The following IRF9 variants were observed in gnomAD, a reference collection of about 807,000 sequenced individuals.
IRF9 encodes interferon regulatory factor 9.
A neutral mutation model predicts 44.1 loss-of-function variants in IRF9; 13 were observed. The observed-to-expected ratio is 0.29, with a 90% confidence interval of 0.19 to 0.47. The LOEUF (loss-of-function observed/expected upper bound fraction) is 0.47, where lower values mean the gene tolerates loss of function less well. Ranked by LOEUF, IRF9 falls within the 20% of genes least tolerant of loss-of-function variation. IRF9 has a pLI of 1.00. For synonymous variants in IRF9, 189 were observed against 188.5 expected (o/e 1.00, Z -0.02); for missense variants, 373 against 496.1 (o/e 0.75, Z 2.36).
Position 24,166,311 on chromosome 14 carries a change from C to A in IRF9, c.*115C>A. 3 of 898,852 alleles carry A rather than the reference C, an allele frequency of 3.3e-6. No homozygotes were observed. The highest frequency in any genetic ancestry group is 5.3e-6 in the Non-Finnish European group (3 of 563,428). The allele number at this position is 898,852 out of a possible 1,614,324, so 55.7% of individuals were successfully genotyped here. ...TTTGTGATAATTCTCAGTAGTTGTC[C>A]GTGATAATCGTGTCCTGAAAATCCT... On this transcript the variant is annotated 3_prime_UTR_variant, in exon 9 of 9. Transcript: ENST00000396864.
At chr14:24,165,820 T>C in intron 7 of IRF9, 27 bp from the exon 8 acceptor site, 1 of 1,549,754 alleles carries the variant, frequency 6.5e-7, no homozygotes, top group Non-Finnish European at 8.9e-7. Flanking sequence ...TTTTTGTTCT[T>C]CGAACCCTTG....
intron 7 of IRF9, 161 bp downstream of exon 7, chr14:24,165,116 C>T (rs2038507579): frequency 1.3e-6 from 1 of 759,130 alleles, no homozygotes; most frequent in Admixed American, 2.0e-5. Flanking sequence ...TCCTGTGTGG[C>T]CATATGCCCA....
Position 24,163,169 on chromosome 14 carries a change from A to G in IRF9, c.364+20A>G, listed in dbSNP as rs1246199337. The G allele has an allele frequency of 4.3e-6, 7 of 1,612,164 alleles. No individual in the cohort carries two copies. Among genetic ancestry groups the G allele is most frequent in the African/African-American group, 2.7e-5 (2 of 74,902 alleles). On this transcript the variant is annotated intron_variant, in intron 3 of 8. Coordinates refer to ENST00000396864, the MANE Select transcript of IRF9 (RefSeq NM_006084.5). Reference sequence around the variant, plus strand: ...TCTCTGGTGAGTTTCCCCTTGTCCAACCACTGCTAGACTCAGCAGACTGGG... The same window carrying G: ...TCTCTGGTGAGTTTCCCCTTGTCCAGCCACTGCTAGACTCAGCAGACTGGG...
chr14:24,165,665 A>G (rs2139106829), intron 7 of IRF9, 182 bp from the exon 8 acceptor site: 1 of 590,342 alleles, frequency 1.7e-6, no homozygotes, highest in Admixed American at 3.1e-5. Flanking sequence ...AGGCAGGGGC[A>G]CCCTTTCCTA....
chr14:24,164,138 C>G lies in IRF9; in HGVS notation c.649+4C>G. The stretch of plus-strand genomic sequence containing the variant: ...TTTCTGCTTCCTCCAGAGCCAGGTA[C>G]GTGGCATTTCTGACTTTCTCCTGTG... On this transcript the variant is annotated splice_donor_region_variant and intron_variant, in intron 6 of 8. Coordinates refer to ENST00000396864, the MANE Select transcript of IRF9 (RefSeq NM_006084.5). This position sits in a 1 kb window ranked among gnomAD's most constrained non-coding sequence, Gnocchi z 5.2. 3 of 1,613,576 alleles carry G rather than the reference C, an allele frequency of 1.9e-6. No homozygotes were observed. The highest frequency in any genetic ancestry group is 1.7e-6 in the Non-Finnish European group (2 of 1,179,512).
Position 24,164,596 on chromosome 14 carries a change from G to C in IRF9, c.650-18G>C. On this transcript the variant is annotated intron_variant, in intron 6 of 8. Transcript: ENST00000396864. This position sits in a 1 kb window ranked among gnomAD's most constrained non-coding sequence, Gnocchi z 5.2. ...CTGCATGCTCCTCCAGCACCAGGTA[G>C]GGCTGTTCTATCCCCAGACTACTCA... 2 of 1,567,758 alleles carry C rather than the reference G, an allele frequency of 1.3e-6. No homozygotes were observed. Among genetic ancestry groups the C allele is most frequent in the Non-Finnish European group, 1.7e-6 (2 of 1,150,392 alleles).
chr14:24,162,421 G>C, intron 2 of IRF9, 97 bp downstream of exon 2: 1 of 1,209,776 alleles, frequency 8.3e-7, no homozygotes, highest in Non-Finnish European at 1.2e-6. Flanking sequence ...CTGGGTTTCA[G>C]ATAAGGGACA....
At position 24,161,304 on chromosome 14, in the gene IRF9, G is replaced by T. The variant is rs1014974732; in HGVS notation, c.-36G>T. On this transcript the variant is annotated 5_prime_UTR_variant, in exon 1 of 9. Transcript: ENST00000396864. ...CCCAGCCAGGAGTTAAGCTGAGGTC[G>T]TCTGAGCCCTGCGACAGCCTGGACA... 1 of 152,364 alleles carries T rather than the reference G, an allele frequency of 6.6e-6. No homozygotes were observed. The highest frequency in any genetic ancestry group is 2.4e-5 in the African/African-American group (1 of 41,464). The allele number at this position is 152,364 out of a possible 1,614,324, so 9.4% of individuals were successfully genotyped here. A position where few individuals can be genotyped will look rare whatever the true frequency, so the allele number is the denominator to read the frequency against.
rs747304104 is a variant in IRF9 at position 24,162,291 on chromosome 14, C to T, written c.147C>T (p.Asp49=). 8.7e-6 allele frequency: 14 copies of T among 1,614,074 alleles called. No individual in the cohort carries two copies. Among genetic ancestry groups the T allele is most frequent in the Non-Finnish European group, 1.1e-5 (13 of 1,179,982 alleles). Residue 49 remains aspartate (D), a synonymous_variant, in exon 2 of 9, where the codon GAC becomes GAT. Transcript: ENST00000396864. The part of the protein sequence containing the change: ...RIPWKHAGKQ[D]FREDQDAAFF... ...CCTGGAAACATGCAGGCAAGCAGGA[C>T]TTCCGGGAGGACCAGGATGCTGCCT... is the stretch of plus-strand genomic sequence containing the variant.
intron 3 of IRF9, 62 bp downstream of exon 3, chr14:24,163,211 G>T (rs889043215): frequency 9.5e-6 from 15 of 1,581,820 alleles, no homozygotes; most frequent in Non-Finnish European, 1.3e-5. Context: ...GGATAGATGT[G>T]CAGGCTTCCC....
chr14:24,166,027 C>A, intron 8 of IRF9, 65 bp downstream of exon 8: 2 of 1,576,604 alleles, frequency 1.3e-6, no homozygotes, highest in South Asian at 1.1e-5. Context: ...CTCCAGGAGG[C>A]AAAGGGGGTC....
Position 24,162,578 on chromosome 14 carries a change from G to A in IRF9, c.180+254G>A. ...GCACTTCGGGAGGCCAAGGTGGGTGGATCACGAGGTCAAGAGATCAAGACC... is the reference window on the plus strand; with the variant it reads ...GCACTTCGGGAGGCCAAGGTGGGTGAATCACGAGGTCAAGAGATCAAGACC... On this transcript the variant is annotated intron_variant, in intron 2 of 8. Coordinates refer to ENST00000396864, the MANE Select transcript of IRF9 (RefSeq NM_006084.5). 3 of 457,952 alleles carry A rather than the reference G, an allele frequency of 6.6e-6. No individual in the cohort carries two copies. The East Asian group carries it at 1.3e-4, about 20-fold the overall frequency. The allele number at this position is 457,952 out of a possible 1,614,324, so 28.4% of individuals were successfully genotyped here.
intron 2 of IRF9, 117 bp downstream of exon 2, chr14:24,162,441 G>A (rs1378731818): frequency 8.0e-6 from 8 of 1,002,212 alleles, no homozygotes; most frequent in East Asian, 2.5e-5. Context: ...AGATTGGAGA[G>A]GAAAACTAGC....
In IRF9 at chr14:24,164,860, C is replaced by G; in HGVS notation, c.896C>G (p.Ser299Cys). 6.2e-7 allele frequency: 1 copy of G among 1,611,408 alleles called. No homozygotes were observed. Among genetic ancestry groups the G allele is most frequent in the South Asian group, 1.1e-5 (1 of 91,090 alleles). ...CAGCGCCTTTGCCCCATCCCCATCT[C>G]CTGGAATGCACCCCAGGCTCCACCT... ...FVQRLCPIPI[S>C]WNAPQAPPGP... The change falls in exon 7 of 9, where the codon TCC becomes TGC. Residue 299 changes from serine (S) to cysteine (C), a missense_variant. Ser to Cys is a moderately radical substitution (Grantham distance 112). This residue lies in a region of IRF9 where 146 missense variants were observed against 240.8 expected (regional missense o/e 0.61). Coordinates refer to ENST00000396864, the MANE Select transcript of IRF9 (RefSeq NM_006084.5). This position sits in a 1 kb window ranked among gnomAD's most constrained non-coding sequence, Gnocchi z 5.2.
At chr14:24,162,097 C>T in intron 1 of IRF9, 47 bp from the exon 2 acceptor site, 2 of 1,577,574 alleles carry the variant, frequency 1.3e-6, no homozygotes, top group Non-Finnish European at 1.7e-6. Flanking sequence ...GAGATGTTCC[C>T]TCCCAAAGTG....
rs375675369 is a variant in IRF9, at chr14:24,163,527, A to G, written c.495+19A>G. 7.4e-6 allele frequency: 12 copies of G among 1,612,468 alleles called. No homozygotes were observed. Among genetic ancestry groups the G allele is most frequent in the Middle Eastern group, 1.7e-4 (1 of 6,006 alleles). ...CAATAATGTAAGAGATGGAGAGGGA[A>G]CTGGGTGGGCCTAAGGGCAGGACAG... On this transcript the variant is annotated intron_variant, in intron 4 of 8. Transcript: ENST00000396864.
At chr14:24,163,639 C>G (rs201998702) in intron 4 of IRF9, 131 bp downstream of exon 4, 2 of 1,071,802 alleles carry the variant, frequency 1.9e-6, no homozygotes, top group Non-Finnish European at 2.7e-6. Context: ...AAGTTCGAAA[C>G]CAGCCTCGAC....
At chr14:24,162,480 T>A (rs2038471219) in intron 2 of IRF9, 156 bp downstream of exon 2, 3 of 764,816 alleles carry the variant, frequency 3.9e-6, no homozygotes, top group African/African-American at 1.8e-5. Flanking sequence ...CAGTACAAAA[T>A]GAAAATGTGG....
At position 24,162,338 on chromosome 14, in the gene IRF9, G is replaced by C. The variant is rs756869148; in HGVS notation, c.180+14G>C. On this transcript the variant is annotated intron_variant, in intron 2 of 8. Coordinates refer to ENST00000396864, the MANE Select transcript of IRF9 (RefSeq NM_006084.5). The stretch of plus-strand genomic sequence containing the variant: ...GCCTTCTTCAAGGTGAAAGGGCCTG[G>C]AAACCACTGTTCCTCTGTGTGTGGG... 6.2e-7 allele frequency: 1 copy of C among 1,611,260 alleles called. No homozygotes were observed. Among genetic ancestry groups the C allele is most frequent in the Non-Finnish European group, 8.5e-7 (1 of 1,178,260 alleles).
Sources: gnomAD v4.1 joint callset for allele counts on GRCh38, gnomAD v4.1.1 for gene constraint, gnomAD v4.1.1 regional missense constraint, Gnocchi (gnomAD v3.1) non-coding constraint, MANE v1.5 for transcripts, NCBI Gene and HGNC (gene_info 2026-07-23, HGNC 2026-07-21) for gene names.